The following MXI1 variants were observed in gnomAD, a reference collection of about 807,000 sequenced individuals.
The protein encoded by MXI1 is MAX interactor 1, dimerization protein, also known as max-interacting protein 1.
MXI1 carries 18 observed loss-of-function variants against 36.9 expected under a neutral mutation model. That is an observed-to-expected ratio of 0.49 (90% CI 0.34 to 0.72). MXI1 has a LOEUF of 0.72. MXI1 is among the 30% of genes least tolerant of loss of function. MXI1 has a pLI of 0.01. For synonymous variants in MXI1, 160 were observed against 146.7 expected (o/e 1.09, Z -0.65); for missense variants, 304 against 379.1 (o/e 0.80, Z 1.64).
chr10:110,219,232 G>A (rs1202174576), intron 1 of MXI1, among the ~76,000 whole-genome samples: 3 of 152,160 alleles, frequency 2.0e-5, no homozygotes, highest in Non-Finnish European at 4.4e-5. Context: ...CCTGAGAGGC[G>A]GAGCTTGCAG....
At chr10:110,270,537 A>G (rs927160512) in intron 3 of MXI1, among the ~76,000 whole-genome samples, 1 of 152,124 alleles carries the variant, frequency 6.6e-6, no homozygotes, top group Non-Finnish European at 1.5e-5. Flanking sequence ...GTTCTGCACT[A>G]TAGTCTTCAA....
intron 2 of MXI1, among the ~76,000 whole-genome samples, chr10:110,235,845 TA>T (rs1564711785): frequency 6.7e-6 from 1 of 148,888 alleles, no homozygotes; most frequent in African/African-American, 2.5e-5. Flanking sequence ...CCGTCTCTAC[TA>T]AAACACAAAA....
intron 1 of MXI1, 84 bp downstream of exon 1, chr10:110,208,166 C>T (rs1854408958): frequency 7.1e-7 from 1 of 1,404,932 alleles, no homozygotes; most frequent in South Asian, 1.3e-5. Context: ...CGAGCTCGGC[C>T]CGTCCCCCCC....
chr10:110,282,648 A>G (rs926552966), intron 5 of MXI1, among the ~76,000 whole-genome samples: 6 of 151,956 alleles, frequency 3.9e-5, no homozygotes, highest in African/African-American at 7.3e-5. Flanking sequence ...TTTCATCACT[A>G]TAGCTCTCAT....
At chr10:110,246,529 G>A (rs2134396709) in intron 3 of MXI1, among the ~76,000 whole-genome samples, 1 of 152,284 alleles carries the variant, frequency 6.6e-6, no homozygotes, top group East Asian at 1.9e-4. Context: ...GGCAGACTCA[G>A]TGGCTTTTAC....
At chr10:110,239,936 A>G (rs948041500) in intron 2 of MXI1, among the ~76,000 whole-genome samples, 8 of 151,064 alleles carry the variant, frequency 5.3e-5, no homozygotes, top group African/African-American at 9.7e-5. Flanking sequence ...TGCAATTCCA[A>G]CTTTTTTTTT....
chr10:110,274,381 A>G (rs897032055), intron 3 of MXI1, among the ~76,000 whole-genome samples: 1 of 152,200 alleles, frequency 6.6e-6, no homozygotes, highest in African/African-American at 2.4e-5. Flanking sequence ...CTTTGAAAAT[A>G]AAAGTACTTT....
At chr10:110,221,679 G>A (rs1854810832) in intron 1 of MXI1, among the ~76,000 whole-genome samples, 1 of 152,214 alleles carries the variant, frequency 6.6e-6, no homozygotes, top group African/African-American at 2.4e-5. Context: ...GAAGAGATGG[G>A]TCAGGATGGA....
chr10:110,222,372 T>C (rs1854838539), intron 1 of MXI1, among the ~76,000 whole-genome samples: 1 of 152,222 alleles, frequency 6.6e-6, no homozygotes, highest in African/African-American at 2.4e-5. Flanking sequence ...CTTAACCTCA[T>C]GGCCCCTTCC....
chr10:110,242,019 G>A (rs1339758497), intron 2 of MXI1, among the ~76,000 whole-genome samples: 1 of 151,882 alleles, frequency 6.6e-6, no homozygotes, highest in Admixed American at 6.6e-5. Flanking sequence ...TAACACCATG[G>A]GTCTTTATGA....
At chr10:110,274,453 G>A (rs1335755496) in intron 3 of MXI1, among the ~76,000 whole-genome samples, 1 of 151,958 alleles carries the variant, frequency 6.6e-6, no homozygotes, top group Non-Finnish European at 1.5e-5. Context: ...TTCTCACAGG[G>A]CACTTCCTGC....
chr10:110,218,927 G>T (rs1257471531), intron 1 of MXI1, among the ~76,000 whole-genome samples: 1 of 152,216 alleles, frequency 6.6e-6, no homozygotes, highest in Non-Finnish European at 1.5e-5. Flanking sequence ...GTGTGGGCCA[G>T]CTGGTTCCAG....
chr10:110,244,991 T>A, intron 3 of MXI1, 134 bp downstream of exon 3: 2 of 784,650 alleles, frequency 2.5e-6, no homozygotes, highest in Non-Finnish European at 3.9e-6. Context: ...GTGAATCTGA[T>A]ATATATGTAT....
intron 1 of MXI1, among the ~76,000 whole-genome samples, chr10:110,225,193 C>T (rs568659529): frequency 1.3e-5 from 2 of 152,252 alleles, no homozygotes; most frequent in East Asian, 3.9e-4. Context: ...CATGGCACGC[C>T]CTCAACGCCG....
chr10:110,280,351 G>T (rs1206967173), intron 5 of MXI1, among the ~76,000 whole-genome samples: 2 of 151,602 alleles, frequency 1.3e-5, no homozygotes, highest in Admixed American at 6.6e-5. Flanking sequence ...GTTTTCAAAT[G>T]ATTAGATTGA....
At chr10:110,244,936 G>A in intron 3 of MXI1, 79 bp downstream of exon 3, 1 of 1,372,774 alleles carries the variant, frequency 7.3e-7, no homozygotes, top group Non-Finnish European at 1.0e-6. Flanking sequence ...TAATGTAATA[G>A]TGCATATGTA....
intron 2 of MXI1, among the ~76,000 whole-genome samples, chr10:110,240,168 T>C (rs1855619401): frequency 6.6e-6 from 1 of 152,120 alleles, no homozygotes; most frequent in South Asian, 2.1e-4. Context: ...TTATCCATTC[T>C]ACTATTGATG....
chr10:110,241,623 GTCACCTA>G (rs1351047709), intron 2 of MXI1, among the ~76,000 whole-genome samples: 1 of 151,914 alleles, frequency 6.6e-6, no homozygotes, highest in Non-Finnish European at 1.5e-5. Context: ...AGTAGCTTCA[GTCACCTA>G]TCTTTTCTTT....
chr10:110,270,102 C>T (rs938004509), intron 3 of MXI1, among the ~76,000 whole-genome samples: 5 of 152,240 alleles, frequency 3.3e-5, no homozygotes, highest in African/African-American at 9.6e-5. Context: ...TCCCTCTACC[C>T]AGACCCCTGG....
Sources: gnomAD v4.1 joint callset for allele counts (sites outside exome capture counted in the v4.1 genomes callset) on GRCh38, gnomAD v4.1.1 for gene constraint, MANE v1.5 for transcripts, NCBI Gene and HGNC (gene_info 2026-07-23, HGNC 2026-07-21) for gene names.